Variants in KCNT2 observed in about 807,000 individuals in gnomAD.
The protein encoded by KCNT2 is potassium sodium-activated channel subfamily T member 2, also known as potassium channel subfamily T member 2.
KCNT2 carries 67 observed loss-of-function variants against 153.8 expected under a neutral mutation model. The ratio of observed to expected loss-of-function variants is 0.44; its 90% CI spans 0.36 to 0.53. KCNT2 has a LOEUF of 0.53. Ranked by LOEUF, KCNT2 falls within the 20% of genes least tolerant of loss-of-function variation. The pLI, the probability that KCNT2 is intolerant of heterozygous loss-of-function variation, is 0.00. For missense variants in KCNT2, 975 were observed against 1,354.8 expected, an observed-to-expected ratio of 0.72 and a Z score of 4.40; for synonymous variants, 500 against 458.8, an observed-to-expected ratio of 1.09 and a Z score of -1.15.
In KCNT2 at chr1:196,234,101, G is replaced by T. The variant is rs145290095; in HGVS notation, c.3296+1885C>A. The stretch of plus-strand genomic sequence containing the variant: ...GAAATTATAAATGTTTGGGGTAATG[G>T]CTACCTCAATTACCCTGATTGATCA... On this transcript the variant is annotated intron_variant, in intron 27 of 27. Coordinates refer to ENST00000294725, the MANE Select transcript of KCNT2 (RefSeq NM_198503.5). 2.0e-5 allele frequency among the ~76,000 whole-genome samples: 3 copies of T among 151,348 alleles called. No individual in the cohort carries two copies. In the East Asian group the frequency reaches 5.8e-4, roughly 29 times the overall value.
chr1:196,423,042 A>G lies in KCNT2; in HGVS notation c.1185+8T>C. The G allele has an allele frequency of 6.5e-7, 1 of 1,537,394 alleles. No homozygotes were observed. Among genetic ancestry groups the G allele is most frequent in the Non-Finnish European group, 8.8e-7 (1 of 1,135,836 alleles). ...CACAACTTACTAAAAAAGATTTTAG[A>G]AACTTACAGATGATGTCCTATCCAC... On this transcript the variant is annotated splice_region_variant and intron_variant, in intron 12 of 27. Transcript: ENST00000294725.
rs544779616 is a variant in KCNT2, at chr1:196,369,408, C to T, written c.1403+3732G>A. ...GTTACATATGTATACATGTGCCATG[C>T]TGGTGTGCTGCACCCACTAACTCGT... On this transcript the variant is annotated intron_variant, in intron 14 of 27. Coordinates refer to ENST00000294725, the MANE Select transcript of KCNT2 (RefSeq NM_198503.5). Among the ~76,000 whole-genome samples the T allele has an allele frequency of 2.0e-5, 3 of 151,934 alleles. No individual in the cohort carries two copies. In the East Asian group the frequency reaches 5.8e-4, roughly 29 times the overall value.
In KCNT2 at chr1:196,477,488, T is replaced by C. The variant is rs140347709; in HGVS notation, c.384+1691A>G. ...GTATAGTCTCAGCTAGTCAAGAGAG[T>C]AGGGAGAATTGCTTGAACCCAGGCG... On this transcript the variant is annotated intron_variant, in intron 5 of 27. Transcript: ENST00000294725. Among the ~76,000 whole-genome samples the C allele has an allele frequency of 1.7e-3, 255 of 151,598 alleles. 1 individual carries two copies. Among genetic ancestry groups the C allele is most frequent in the African/African-American group, 5.9e-3 (244 of 41,324 alleles).
At chr1:196,432,186 G>A (rs1457498593) in intron 8 of KCNT2, among the ~76,000 whole-genome samples, 1 of 152,140 alleles carries the variant, frequency 6.6e-6, no homozygotes, top group Non-Finnish European at 1.5e-5. Flanking sequence ...CATCCATGTG[G>A]TGCCAATTTT....
At chr1:196,493,866 C>CT (rs1680046602) in intron 1 of KCNT2, among the ~76,000 whole-genome samples, 1 of 152,028 alleles carries the variant, frequency 6.6e-6, no homozygotes. Flanking sequence ...TTCTGACTTA[C>CT]TTTGTTTTTT....
intron 8 of KCNT2, among the ~76,000 whole-genome samples, chr1:196,443,327 T>C (rs1320808624): frequency 2.4e-4 from 36 of 151,522 alleles, no homozygotes; most frequent in African/African-American, 8.7e-4. Context: ...CATTTTCAAG[T>C]TATTTTGGGG....
chr1:196,352,456 T>G (rs970866652), intron 14 of KCNT2, among the ~76,000 whole-genome samples: 3 of 152,102 alleles, frequency 2.0e-5, no homozygotes, highest in East Asian at 1.9e-4. Context: ...GTCAAGGAAT[T>G]TATCCATTTC....
chr1:196,248,019 G>C (rs1259486448), intron 26 of KCNT2, among the ~76,000 whole-genome samples: 8 of 152,058 alleles, frequency 5.3e-5, no homozygotes. Context: ...CAAACACGTG[G>C]AAATTAAACA....
chr1:196,384,220 A>G (rs1281360423), intron 13 of KCNT2, among the ~76,000 whole-genome samples: 1 of 152,210 alleles, frequency 6.6e-6, no homozygotes, highest in East Asian at 1.9e-4. Context: ...ACTTCAATTG[A>G]AGTGACTCAG....
chr1:196,418,856 C>T (rs1052862877), intron 12 of KCNT2, among the ~76,000 whole-genome samples: 1 of 152,092 alleles, frequency 6.6e-6, no homozygotes, highest in Non-Finnish European at 1.5e-5. Flanking sequence ...AAACCCCTGC[C>T]CAGAAGTGGA....
At chr1:196,356,548 C>T (rs1017580350) in intron 14 of KCNT2, among the ~76,000 whole-genome samples, 1 of 151,780 alleles carries the variant, frequency 6.6e-6, no homozygotes, top group African/African-American at 2.4e-5. Flanking sequence ...AAATCCTGAG[C>T]TTACTTCAGA....
At chr1:196,245,098 T>C (rs1655317069) in intron 26 of KCNT2, among the ~76,000 whole-genome samples, 1 of 152,134 alleles carries the variant, frequency 6.6e-6, no homozygotes, top group Non-Finnish European at 1.5e-5. Context: ...ATACCAACAA[T>C]GTAATACTTT....
chr1:196,505,885 G>C (rs1163669038), intron 1 of KCNT2, among the ~76,000 whole-genome samples: 1 of 152,166 alleles, frequency 6.6e-6, no homozygotes, highest in African/African-American at 2.4e-5. Context: ...TTCTCTGTTT[G>C]TCTGTTATTG....
At chr1:196,511,131 ACAC>A (rs1681590862) in intron 1 of KCNT2, among the ~76,000 whole-genome samples, 1 of 151,060 alleles carries the variant, frequency 6.6e-6, no homozygotes. Flanking sequence ...ACACACACAC[ACAC>A]ACACACACAC....
chr1:196,382,844 G>T (rs1347712526), intron 13 of KCNT2, among the ~76,000 whole-genome samples: 1 of 151,922 alleles, frequency 6.6e-6, no homozygotes, highest in Non-Finnish European at 1.5e-5. Context: ...GTTAAGGGCC[G>T]CTTTGAGCTG....
intron 5 of KCNT2, among the ~76,000 whole-genome samples, chr1:196,476,428 A>G (rs1678535305): frequency 6.6e-6 from 1 of 152,130 alleles, no homozygotes; most frequent in South Asian, 2.1e-4. Context: ...AGATTTGTCA[A>G]TCAGGACATA....
intron 25 of KCNT2, among the ~76,000 whole-genome samples, chr1:196,267,152 T>G (rs1468660182): frequency 6.6e-6 from 1 of 152,202 alleles, no homozygotes; most frequent in Non-Finnish European, 1.5e-5. Flanking sequence ...GCATCCAAGT[T>G]TCTGTGGGAA....
intron 26 of KCNT2, among the ~76,000 whole-genome samples, chr1:196,249,828 A>G (rs1236511337): frequency 6.6e-6 from 1 of 152,058 alleles, no homozygotes; most frequent in Non-Finnish European, 1.5e-5. Flanking sequence ...AATCTGATAA[A>G]ATCAAGAAGG....
intron 5 of KCNT2, among the ~76,000 whole-genome samples, chr1:196,472,449 C>A (rs931581352): frequency 6.6e-6 from 1 of 152,218 alleles, no homozygotes; most frequent in African/African-American, 2.4e-5. Context: ...GTAATTTCAT[C>A]CATGTTTCAG....
Sources: allele counts gnomAD v4.1 joint callset (sites outside exome capture counted in the v4.1 genomes callset), GRCh38; gene constraint gnomAD v4.1.1; transcripts MANE v1.5; gene names NCBI Gene and HGNC (gene_info 2026-07-23, HGNC 2026-07-21).